The following KIT variants were observed in gnomAD, a reference collection of about 807,000 sequenced individuals.
The protein encoded by KIT is KIT proto-oncogene, receptor tyrosine kinase.
In KIT, 16 loss-of-function variants were observed where a neutral mutation model predicts 105.7. The ratio of observed to expected loss-of-function variants is 0.15; its 90% CI spans 0.10 to 0.23. The LOEUF is 0.23. KIT is among the 10% of genes least tolerant of loss of function. KIT has a pLI of 1.00. For missense variants in KIT, 858 were observed against 1,213.8 expected (o/e 0.71, Z 4.36); for synonymous variants, 438 against 441.1 (o/e 0.99, Z 0.09).
intron 8 of KIT, among the ~76,000 whole-genome samples, chr4:54,724,091 A>G (rs926331607): frequency 3.3e-5 from 5 of 152,262 alleles, no homozygotes; most frequent in Admixed American, 2.6e-4. Context: ...CCAAGTTACC[A>G]AAAAGTAATG....
chr4:54,693,682 C>T (rs2537870), intron 1 of KIT, among the ~76,000 whole-genome samples: 5,734 of 125,742 alleles, frequency 0.046, 375 homozygotes, highest in African/African-American at 0.14. Context: ...TCATCTGCAA[C>T]CTTGCATATG....
rs2109786109 is a variant in KIT, at chr4:54,729,366, C to T, written c.2022C>T (p.Cys674=). Residue 674 remains cysteine, a synonymous_variant, in exon 14 of 21, where the codon TGC becomes TGT. Transcript: ENST00000288135. ...CCCTGGTCATTACAGAATATTGTTGCTATGGTGATCTTTTGAATTTTTTGA... is the reference window on the plus strand; with the variant it reads ...CCCTGGTCATTACAGAATATTGTTGTTATGGTGATCTTTTGAATTTTTTGA... The part of the protein sequence containing the change: ...GPTLVITEYC[C]YGDLLNFLRR... 1 of 1,613,692 alleles carries T rather than the reference C, an allele frequency of 6.2e-7. No individual in the cohort carries two copies. Among genetic ancestry groups the T allele is most frequent in the Non-Finnish European group, 8.5e-7 (1 of 1,179,746 alleles).
Position 54,737,283 on chromosome 4 carries a change from G to A in KIT, c.2802+3G>A, listed in dbSNP as rs1560425519. ...AGATTTCAGAGAGCACCAATCATGT[G>A]AGTATACCCTGGCCAGGCATAGAAT... On this transcript the variant is annotated splice_donor_region_variant and intron_variant, in intron 20 of 20. Coordinates refer to ENST00000288135, the MANE Select transcript of KIT (RefSeq NM_000222.3). 1.3e-6 allele frequency: 2 copies of A among 1,586,288 alleles called. No individual in the cohort carries two copies. The highest frequency in any genetic ancestry group is 1.7e-6 in the Non-Finnish European group (2 of 1,154,692).
At chr4:54,665,829 A>C (rs1202654780) in intron 1 of KIT, among the ~76,000 whole-genome samples, 1 of 152,212 alleles carries the variant, frequency 6.6e-6, no homozygotes, top group African/African-American at 2.4e-5. Flanking sequence ...TCCCTGTAAG[A>C]AATAAAACTA....
At chr4:54,737,874 A>T (rs1723018409) in intron 20 of KIT, among the ~76,000 whole-genome samples, 1 of 152,172 alleles carries the variant, frequency 6.6e-6, no homozygotes, top group Non-Finnish European at 1.5e-5. Flanking sequence ...AATTAGTGAT[A>T]CTTTGACTCA....
chr4:54,675,004 G>A (rs1451486337), intron 1 of KIT, among the ~76,000 whole-genome samples: 1 of 151,102 alleles, frequency 6.6e-6, no homozygotes, highest in South Asian at 2.1e-4. Flanking sequence ...ATTTTCCTCT[G>A]ATTTTTTCCC....
At chr4:54,737,424 G>T in intron 20 of KIT, 144 bp downstream of exon 20, 1 of 707,960 alleles carries the variant, frequency 1.4e-6, no homozygotes, top group South Asian at 1.5e-5. Flanking sequence ...GGTAGGGGAA[G>T]TAAAGCAATG....
chr4:54,680,888 G>T (rs1030637030), intron 1 of KIT, among the ~76,000 whole-genome samples: 24 of 152,248 alleles, frequency 1.6e-4, no homozygotes, highest in Middle Eastern at 3.4e-3. Flanking sequence ...AGGTCCTCCT[G>T]CAGGATCTTG....
chr4:54,703,443 G>A (rs1212861171), intron 4 of KIT, among the ~76,000 whole-genome samples: 2 of 152,088 alleles, frequency 1.3e-5, no homozygotes, highest in Admixed American at 6.5e-5. Flanking sequence ...TTAAAATTTA[G>A]CGTTGTATAG....
chr4:54,712,622 A>G (rs1721232976), intron 7 of KIT, among the ~76,000 whole-genome samples: 1 of 152,166 alleles, frequency 6.6e-6, no homozygotes, highest in South Asian at 2.1e-4. Context: ...CTACTAGGCT[A>G]ATTTGCCATT....
chr4:54,727,666 G>A (rs955536053), intron 11 of KIT, 124 bp downstream of exon 11: 28 of 1,390,114 alleles, frequency 2.0e-5, no homozygotes, highest in South Asian at 3.5e-5. Flanking sequence ...GTGAAATTGC[G>A]CCCCTTTTGA....
intron 17 of KIT, 36 bp downstream of exon 17, chr4:54,733,228 G>A: frequency 6.2e-7 from 1 of 1,606,024 alleles, no homozygotes; most frequent in South Asian, 1.1e-5. Context: ...GTCCTGCAAA[G>A]GATTTTTAGT....
At chr4:54,662,953 A>G (rs1486218740) in intron 1 of KIT, among the ~76,000 whole-genome samples, 1 of 152,104 alleles carries the variant, frequency 6.6e-6, no homozygotes, top group Non-Finnish European at 1.5e-5. Flanking sequence ...CACTAGTCCT[A>G]GAGATTGAAT....
chr4:54,658,129 C>G (rs758923885), intron 1 of KIT, 48 bp downstream of exon 1: 1 of 1,590,604 alleles, frequency 6.3e-7, no homozygotes, highest in African/African-American at 1.3e-5. Flanking sequence ...CTCGGCGAAG[C>G]CTGTGCCTGG....
chr4:54,670,851 C>T (rs1294893127), intron 1 of KIT, among the ~76,000 whole-genome samples: 1 of 152,188 alleles, frequency 6.6e-6, no homozygotes, highest in Non-Finnish European at 1.5e-5. Context: ...ACCACTCTGT[C>T]CATCACTGTT....
At chr4:54,686,934 G>A (rs995633780) in intron 1 of KIT, among the ~76,000 whole-genome samples, 5 of 152,180 alleles carry the variant, frequency 3.3e-5, no homozygotes, top group Admixed American at 6.5e-5. Context: ...TTAAGAGAAA[G>A]TGTGATCCGT....
At position 54,725,959 on chromosome 4, in the gene KIT, C is replaced by G. The variant is rs1722191573; in HGVS notation, c.1449C>G (p.Phe483Leu). The change falls in exon 9 of 21, where the codon TTC (phenylalanine) becomes TTG (leucine). Residue 483 changes from phenylalanine to leucine, a missense_variant. Physicochemically the swap from Phe to Leu is conservative, Grantham distance 22. Transcript: ENST00000288135. ...VVQSSIDSSA[F>L]KHNGTVECKA... ...AGAGTTCTATAGATTCTAGTGCATT[C>G]AAGCACAATGGCACGGTTGAATGTA... The G allele has an allele frequency of 6.2e-7, 1 of 1,614,110 alleles. No individual in the cohort carries two copies. The highest frequency in any genetic ancestry group is 8.5e-7 in the Non-Finnish European group (1 of 1,179,976).
Position 54,738,952 on chromosome 4 carries a change from G to A in KIT, c.*395G>A. 1.9e-6 allele frequency: 1 copy of A among 525,422 alleles called. No homozygotes were observed. Among genetic ancestry groups the A allele is most frequent in the South Asian group, 3.5e-5 (1 of 28,358 alleles). The allele number at this position is 525,422 out of a possible 1,614,324, so 32.5% of individuals were successfully genotyped here. A position where few individuals can be genotyped will look rare whatever the true frequency, so the allele number is the denominator to read the frequency against. ...TCAGAACCATCCATAGTAGTATGAT[G>A]ATACAAGATTAGAAGCTGAAAACCT... On this transcript the variant is annotated 3_prime_UTR_variant, in exon 21 of 21. Coordinates refer to ENST00000288135, the MANE Select transcript of KIT (RefSeq NM_000222.3).
intron 7 of KIT, among the ~76,000 whole-genome samples, chr4:54,711,650 G>A (rs2412603): frequency 1.6e-5 from 1 of 62,712 alleles, no homozygotes; most frequent in East Asian, 3.3e-4. Flanking sequence ...GGCTGGACGC[G>A]GTGGCTCACG....
Sources: allele counts gnomAD v4.1 joint callset (sites outside exome capture counted in the v4.1 genomes callset), GRCh38; gene constraint gnomAD v4.1.1; transcripts MANE v1.5; gene names NCBI Gene and HGNC (gene_info 2026-07-23, HGNC 2026-07-21).